Variants in ZNF385D observed in about 807,000 individuals in gnomAD.
ZNF385D encodes zinc finger protein 385D.
A neutral mutation model predicts 35.8 loss-of-function variants in ZNF385D; 15 were observed. The ratio of observed to expected loss-of-function variants is 0.42; its 90% CI spans 0.28 to 0.64. ZNF385D has a LOEUF of 0.64. ZNF385D is among the 30% of genes least tolerant of loss of function. The pLI, the probability that ZNF385D is intolerant of heterozygous loss-of-function variation, is 0.23. For missense variants in ZNF385D, 474 were observed against 494.6 expected (o/e 0.96, Z 0.39); for synonymous variants, 212 against 186.8 (o/e 1.13, Z -1.10).
At chr3:21,980,034 G>C (rs1022432569) in intron 3 of ZNF385D, among the ~76,000 whole-genome samples, 5 of 152,154 alleles carry the variant, frequency 3.3e-5, no homozygotes, top group Admixed American at 3.3e-4. Context: ...AAGGCATTGT[G>C]ATATCTGAGC....
At chr3:22,043,376 A>C (rs763586438) in intron 3 of ZNF385D, among the ~76,000 whole-genome samples, 106 of 152,164 alleles carry the variant, frequency 7.0e-4, no homozygotes, top group Non-Finnish European at 9.1e-4. Flanking sequence ...TTTTTAACGT[A>C]CTGAAACCAT....
At chr3:22,094,565 A>G (rs1701514317) in intron 3 of ZNF385D, among the ~76,000 whole-genome samples, 1 of 151,822 alleles carries the variant, frequency 6.6e-6, no homozygotes, top group African/African-American at 2.4e-5. Context: ...CAGAGGTGGA[A>G]GGAAGAAGTG....
At chr3:22,122,120 T>C (rs1703119952) in intron 3 of ZNF385D, among the ~76,000 whole-genome samples, 1 of 152,140 alleles carries the variant, frequency 6.6e-6, no homozygotes, top group Non-Finnish European at 1.5e-5. Context: ...AAGTTTTCTT[T>C]TTTTAAACCC....
intron 2 of ZNF385D, among the ~76,000 whole-genome samples, chr3:22,305,795 C>T (rs1044718609): frequency 3.3e-5 from 5 of 152,156 alleles, no homozygotes; most frequent in African/African-American, 4.8e-5. Flanking sequence ...ATGATTACTA[C>T]ACTAATTAAC....
intron 2 of ZNF385D, among the ~76,000 whole-genome samples, chr3:22,205,084 G>C (rs980726938): frequency 6.6e-6 from 1 of 150,932 alleles, no homozygotes. Flanking sequence ...AAACTCCCAA[G>C]GTCAAGAATA....
At chr3:21,642,078 G>C (rs901373968) in intron 2 of ZNF385D, among the ~76,000 whole-genome samples, 4 of 152,100 alleles carry the variant, frequency 2.6e-5, no homozygotes, top group African/African-American at 9.7e-5. Flanking sequence ...TAAAAGATTA[G>C]GTTGTGGTGG....
At chr3:22,207,207 G>C (rs1035166927) in intron 2 of ZNF385D, among the ~76,000 whole-genome samples, 1 of 151,842 alleles carries the variant, frequency 6.6e-6, no homozygotes, top group African/African-American at 2.4e-5. Context: ...GTATGCAGTA[G>C]GTTGGTACTG....
intron 3 of ZNF385D, among the ~76,000 whole-genome samples, chr3:22,166,364 C>T (rs1706330432): frequency 6.6e-6 from 1 of 152,032 alleles, no homozygotes; most frequent in Non-Finnish European, 1.5e-5. Context: ...AAATGTTCTC[C>T]TAAATGATTT....
intron 3 of ZNF385D, among the ~76,000 whole-genome samples, chr3:22,126,309 T>G (rs1703425522): frequency 1.4e-5 from 1 of 69,528 alleles, no homozygotes. Context: ...ATTTGAAAGT[T>G]GTTTTTTTTT....
intron 3 of ZNF385D, among the ~76,000 whole-genome samples, chr3:22,069,114 T>C (rs74755774): frequency 0.083 from 12,624 of 152,284 alleles, 693 homozygotes; most frequent in Admixed American, 0.16. Flanking sequence ...AGGTGTTTGT[T>C]GTGTTATAAA....
chr3:21,426,695 C>G (rs1235163678), intron 5 of ZNF385D, among the ~76,000 whole-genome samples: 2 of 152,058 alleles, frequency 1.3e-5, no homozygotes, highest in Non-Finnish European at 2.9e-5. Context: ...GTTCGGCAAC[C>G]ATTAAAGAAA....
At chr3:22,281,861 C>G (rs962874421) in intron 2 of ZNF385D, among the ~76,000 whole-genome samples, 3 of 151,674 alleles carry the variant, frequency 2.0e-5, no homozygotes, top group Non-Finnish European at 2.9e-5. Context: ...GTGAATCTGT[C>G]TGGTACTGAA....
intron 4 of ZNF385D, among the ~76,000 whole-genome samples, chr3:21,502,916 G>T (rs751013985): frequency 1.2e-4 from 18 of 152,184 alleles, no homozygotes; most frequent in Non-Finnish European, 1.9e-4. Context: ...GACGTATGCA[G>T]TGGGTCTTTT....
At chr3:22,002,120 TAA>T (rs35194786) in intron 3 of ZNF385D, among the ~76,000 whole-genome samples, 2 of 150,060 alleles carry the variant, frequency 1.3e-5, no homozygotes, top group Admixed American at 6.7e-5. Flanking sequence ...AATAAAGACT[TAA>T]AAAAAAACAC....
At chr3:21,954,415 T>C (rs1237554270) in intron 3 of ZNF385D, among the ~76,000 whole-genome samples, 4 of 151,992 alleles carry the variant, frequency 2.6e-5, no homozygotes, top group Non-Finnish European at 5.9e-5. Flanking sequence ...AGTTTTTAAT[T>C]ATTTTATAGG....
intron 4 of ZNF385D, among the ~76,000 whole-genome samples, chr3:21,485,468 G>A (rs1010547632): frequency 5.3e-5 from 8 of 152,066 alleles, no homozygotes; most frequent in Non-Finnish European, 7.4e-5. Context: ...TTACCTTTCT[G>A]GCACATCAAG....
chr3:22,042,142 G>A (rs1372441422), intron 3 of ZNF385D, among the ~76,000 whole-genome samples: 1 of 152,072 alleles, frequency 6.6e-6, no homozygotes, highest in Non-Finnish European at 1.5e-5. Flanking sequence ...TTTCCAGCTT[G>A]GAATTCAAGG....
intron 2 of ZNF385D, among the ~76,000 whole-genome samples, chr3:22,227,418 G>A (rs1698626896): frequency 6.6e-6 from 1 of 152,158 alleles, no homozygotes. Context: ...TATGGAGGAA[G>A]GAATGCTTCC....
At chr3:21,470,811 T>C (rs932285349) in intron 4 of ZNF385D, among the ~76,000 whole-genome samples, 2 of 152,052 alleles carry the variant, frequency 1.3e-5, no homozygotes, top group Non-Finnish European at 2.9e-5. Flanking sequence ...GTAGTGTAAT[T>C]GGTTTTGAAT....
Sources: gnomAD v4.1 joint callset for allele counts (sites outside exome capture counted in the v4.1 genomes callset) on GRCh38, gnomAD v4.1.1 for gene constraint, MANE v1.5 for transcripts, NCBI Gene and HGNC (gene_info 2026-07-23, HGNC 2026-07-21) for gene names.